PPFIBP1: variants seen among roughly 807,000 people sequenced by gnomAD.
The protein encoded by PPFIBP1 is liprin-beta-1.
PPFIBP1 carries 112 observed loss-of-function variants against 137.8 expected under a neutral mutation model. The ratio of observed to expected loss-of-function variants is 0.81; its 90% confidence interval spans 0.70 to 0.95. The LOEUF (loss-of-function observed/expected upper bound fraction) is 0.95. Ranked by LOEUF, PPFIBP1 falls within the 40% of genes least tolerant of loss-of-function variation. The probability of loss-of-function intolerance (pLI) is 0.00; values close to 1 mark genes in which losing one functional copy is unlikely to be tolerated. For synonymous variants in PPFIBP1, 378 were observed against 417.3 expected, an observed-to-expected ratio of 0.91 and a Z score of 1.15; for missense variants, 1,083 against 1,196.6, an observed-to-expected ratio of 0.91 and a Z score of 1.40.
intron 2 of PPFIBP1, among the ~76,000 whole-genome samples, chr12:27,580,674 C>G (rs115421822): frequency 0.017 from 2,538 of 152,240 alleles, 67 homozygotes; most frequent in African/African-American, 0.058. Flanking sequence ...GTAGTGAATA[C>G]TAACAAAAAA....
intron 2 of PPFIBP1, among the ~76,000 whole-genome samples, chr12:27,588,790 A>T (rs1405629368): frequency 1.3e-5 from 2 of 152,230 alleles, no homozygotes; most frequent in Non-Finnish European, 2.9e-5. Flanking sequence ...AAAATGTCTT[A>T]GAAGTAGTTC....
intron 1 of PPFIBP1, among the ~76,000 whole-genome samples, chr12:27,534,616 G>A (rs1391426466): frequency 1.3e-5 from 2 of 152,156 alleles, no homozygotes; most frequent in Non-Finnish European, 2.9e-5. Context: ...GTCTTTGAAG[G>A]AGGAATTTTT....
intron 1 of PPFIBP1, among the ~76,000 whole-genome samples, chr12:27,556,817 G>A (rs775368428): frequency 1.3e-5 from 2 of 152,028 alleles, no homozygotes; most frequent in East Asian, 1.9e-4. Context: ...TGGAATTGTC[G>A]GGGGCTAATA....
At chr12:27,603,576 C>T (rs1432199871) in intron 2 of PPFIBP1, among the ~76,000 whole-genome samples, 6 of 152,134 alleles carry the variant, frequency 3.9e-5, no homozygotes, top group Non-Finnish European at 8.8e-5. Context: ...CAAGGTGGAT[C>T]GAATTCATTC....
In PPFIBP1 at chr12:27,635,032, G is replaced by C; in HGVS notation, c.187G>C (p.Glu63Gln). 6.2e-7 allele frequency: 1 copy of C among 1,614,204 alleles called. No individual in the cohort carries two copies. The highest frequency in any genetic ancestry group is 8.5e-7 in the Non-Finnish European group (1 of 1,180,020). The change falls in exon 4 of 30, where the codon GAA (glutamate) becomes CAA (glutamine). Residue 63 changes from glutamate to glutamine, a missense_variant. By Grantham distance (29) the Glu-to-Gln change is conservative (BLOSUM62 2). Coordinates refer to ENST00000228425, the MANE Select transcript of PPFIBP1 (RefSeq NM_003622.4). Reference protein sequence around the residue: ...EDLRGLLEMMETDEKEGLRCQ... With the variant: ...EDLRGLLEMMQTDEKEGLRCQ... The stretch of plus-strand genomic sequence containing the variant: ...CCTGCGTGGATTGTTAGAGATGATG[G>C]AAACAGATGAGAAAGAAGGCTTGAG...
At chr12:27,667,638 G>A (rs1489721890) in intron 13 of PPFIBP1, among the ~76,000 whole-genome samples, 6 of 152,248 alleles carry the variant, frequency 3.9e-5, no homozygotes, top group African/African-American at 1.4e-4. Context: ...AAACTTTGTG[G>A]CTTCAATGAC....
chr12:27,578,401 C>G (rs918770460), intron 2 of PPFIBP1, among the ~76,000 whole-genome samples, 162 bp downstream of exon 2: 2 of 152,102 alleles, frequency 1.3e-5, no homozygotes, highest in African/African-American at 4.8e-5. Flanking sequence ...CTTTTAAAAC[C>G]TGTAAATTCT....
chr12:27,563,719 C>T (rs1024787482), intron 1 of PPFIBP1, among the ~76,000 whole-genome samples: 1 of 152,120 alleles, frequency 6.6e-6, no homozygotes, highest in African/African-American at 2.4e-5. Context: ...TCCTTAGTGT[C>T]TTTCCCCAGG....
chr12:27,660,225 T>C (rs1330319466), intron 10 of PPFIBP1, among the ~76,000 whole-genome samples: 1 of 152,148 alleles, frequency 6.6e-6, no homozygotes, highest in Non-Finnish European at 1.5e-5. Flanking sequence ...AATATATAAG[T>C]TTTTTATTAT....
chr12:27,550,991 A>ATATATATATT lies in PPFIBP1; in HGVS notation c.-124+26627_-124+26628insATATATATTT, dbSNP rs375148048. ...GGGCACTAATTTTATATATATATAT[A>ATATATATATT]TTTTTTTTTTTTTAACAAACGTGAA... is the stretch of plus-strand genomic sequence containing the variant. On this transcript the variant is annotated intron_variant, in intron 1 of 29. Transcript: ENST00000228425. 4.2e-3 allele frequency among the ~76,000 whole-genome samples: 569 copies of ATATATATATT among 136,678 alleles called. 3 individuals are homozygous for ATATATATATT. Among genetic ancestry groups the ATATATATATT allele is most frequent in the African/African-American group, 0.014 (511 of 35,824 alleles). 89.7% of individuals were successfully genotyped at this position (136,678 alleles called of 152,430 possible).
At chr12:27,610,332 T>G (rs1413574271) in intron 2 of PPFIBP1, among the ~76,000 whole-genome samples, 1 of 152,192 alleles carries the variant, frequency 6.6e-6, no homozygotes, top group East Asian at 1.9e-4. Flanking sequence ...TATGTTTGCC[T>G]TTCCAAGCCA....
chr12:27,677,965 A>G (rs1423056628), intron 19 of PPFIBP1: 2 of 152,268 alleles, frequency 1.3e-5, no homozygotes, highest in African/African-American at 4.8e-5. Flanking sequence ...CACTGGATGC[A>G]TAAAATAAAC....
chr12:27,622,559 C>A (rs1219306349), intron 2 of PPFIBP1, among the ~76,000 whole-genome samples: 1 of 152,188 alleles, frequency 6.6e-6, no homozygotes, highest in Non-Finnish European at 1.5e-5. Flanking sequence ...GGTTTTCAAA[C>A]GTTTTTAACC....
intron 2 of PPFIBP1, among the ~76,000 whole-genome samples, chr12:27,615,351 G>A (rs1180899297): frequency 6.6e-6 from 1 of 152,154 alleles, no homozygotes; most frequent in Non-Finnish European, 1.5e-5. Context: ...ACATCAAAAA[G>A]ACCATAATCA....
At chr12:27,544,438 G>A (rs980150848) in intron 1 of PPFIBP1, among the ~76,000 whole-genome samples, 1 of 152,270 alleles carries the variant, frequency 6.6e-6, no homozygotes, top group East Asian at 1.9e-4. Context: ...ATAAACTGTC[G>A]TCGGAGTGAA....
At chr12:27,619,253 C>CAAGAA (rs2056098614) in intron 2 of PPFIBP1, among the ~76,000 whole-genome samples, 2 of 152,134 alleles carry the variant, frequency 1.3e-5, no homozygotes, top group Admixed American at 6.6e-5. Context: ...GTAAGAATAT[C>CAAGAA]CTCCTGTATA....
chr12:27,536,529 G>T (rs1235382553), intron 1 of PPFIBP1, among the ~76,000 whole-genome samples: 1 of 152,074 alleles, frequency 6.6e-6, no homozygotes, highest in African/African-American at 2.4e-5. Context: ...GATCTCCCAT[G>T]AACGAATTGA....
intron 2 of PPFIBP1, among the ~76,000 whole-genome samples, chr12:27,625,469 A>G (rs1035100740): frequency 2.0e-5 from 3 of 152,160 alleles, no homozygotes; most frequent in Non-Finnish European, 4.4e-5. Context: ...AGATAAGTAT[A>G]ATAGCATTAT....
chr12:27,689,117 C>T lies in PPFIBP1; in HGVS notation c.2599C>T (p.Leu867=). The T allele has an allele frequency of 3.7e-6, 6 of 1,608,738 alleles. No homozygotes were observed. Among genetic ancestry groups the T allele is most frequent in the Non-Finnish European group, 4.2e-6 (5 of 1,178,738 alleles). ...ACATTTGGCCACTCATTTCAACCTT[C>T]TGATTGGGGCTGAGGCACAGCACCA... is the stretch of plus-strand genomic sequence containing the variant. ...RRHLATHFNL[L]IGAEAQHQKR... The change falls in exon 27 of 30, where the codon CTG becomes TTG. Residue 867 remains leucine (L), a synonymous_variant. Transcript: ENST00000228425.
Sources: gnomAD v4.1 joint callset for allele counts (sites outside exome capture counted in the v4.1 genomes callset) on GRCh38, gnomAD v4.1.1 for gene constraint, MANE v1.5 for transcripts, NCBI Gene and HGNC (gene_info 2026-07-23, HGNC 2026-07-21) for gene names.